The following TEF variants were observed in gnomAD, a reference collection of about 807,000 sequenced individuals.
TEF encodes thyrotroph embryonic factor.
In TEF, 3 loss-of-function variants were observed where a neutral mutation model predicts 20.8. That is an observed-to-expected ratio of 0.14 (90% CI 0.07 to 0.37). The LOEUF is 0.37. TEF is among the 10% of genes least tolerant of loss of function. The pLI is 1.00. For missense variants in TEF, 296 were observed against 397.9 expected, an observed-to-expected ratio of 0.74 and a Z score of 2.18; for synonymous variants, 180 against 171.1, an observed-to-expected ratio of 1.05 and a Z score of -0.41.
upstream of TEF, among the ~76,000 whole-genome samples, chr22:41,380,423 G>A (rs1220982734): frequency 6.6e-6 from 1 of 152,182 alleles, no homozygotes; most frequent in African/African-American, 2.4e-5. Context: ...CCAAAGTGCC[G>A]GGATTACAGG....
chr22:41,387,358 A>T lies in TEF; in HGVS notation c.165A>T (p.Glu55Asp). ...NPPREARLDK[E>D]KGKEKLEEDE... is the part of the protein sequence containing the mutation. ...CAGATTTTGTTTCTGCAGATAAGGAAAAGGGGAAGGAAAAGCTGGAGGAGG... is the reference window on the plus strand; with the variant it reads ...CAGATTTTGTTTCTGCAGATAAGGATAAGGGGAAGGAAAAGCTGGAGGAGG... Residue 55 changes from glutamate to aspartate, a missense_variant, in exon 2 of 4, where the codon GAA (glutamate) becomes GAT (aspartate). By Grantham distance (45) the Glu-to-Asp change is conservative. Coordinates refer to ENST00000266304, the MANE Select transcript of TEF (RefSeq NM_003216.4). 4 of 1,614,180 alleles carry T rather than the reference A, an allele frequency of 2.5e-6. No individual in the cohort carries two copies. The South Asian group carries it at 4.4e-5, about 18-fold the overall frequency.
upstream of TEF, among the ~76,000 whole-genome samples, chr22:41,377,510 C>T (rs1338825727): frequency 6.6e-6 from 1 of 152,156 alleles, no homozygotes; most frequent in Non-Finnish European, 1.5e-5. Context: ...AACTAGTTCT[C>T]CCAACGTTTA....
chr22:41,383,697 A>C (rs998236210), intron 1 of TEF, among the ~76,000 whole-genome samples: 1 of 152,206 alleles, frequency 6.6e-6, no homozygotes, highest in Non-Finnish European at 1.5e-5. Context: ...TATCTCTTAC[A>C]ATTTAAAATT....
chr22:41,367,624 G>T (rs1408019806), intron 1 of TEF: 2 of 1,550,058 alleles, frequency 1.3e-6, no homozygotes, highest in East Asian at 2.4e-5. Context: ...GACCTGCATT[G>T]ATTGGCTGCC....
chr22:41,381,787 G>C (rs2145976196), upstream of TEF: 2 of 952,190 alleles, frequency 2.1e-6, no homozygotes, highest in Non-Finnish European at 2.7e-6. Flanking sequence ...ACCAATCACG[G>C]CCCGAGGATC....
intron 3 of TEF, among the ~76,000 whole-genome samples, chr22:41,394,813 G>A (rs1411880315): frequency 6.6e-6 from 1 of 152,148 alleles, no homozygotes; most frequent in Non-Finnish European, 1.5e-5. Flanking sequence ...TTTGGAGTCA[G>A]GCACACCTGG....
chr22:41,384,853 A>T (rs1354547858), intron 1 of TEF, among the ~76,000 whole-genome samples: 3 of 152,090 alleles, frequency 2.0e-5, no homozygotes, highest in Non-Finnish European at 4.4e-5. Context: ...TCCAAGGTTC[A>T]AGCAATTCTC....
At chr22:41,381,304 C>G (rs2037016747), upstream of TEF, among the ~76,000 whole-genome samples, 1 of 152,144 alleles carries the variant, frequency 6.6e-6, no homozygotes. Context: ...CCCTCCCTTC[C>G]CCTCCCGCCC....
chr22:41,396,297 T>TC lies in TEF; in HGVS notation c.*340dup. ...CTGGGCGCTCAGGGTCCCTGGACTC[T>TC]CCCTCAGTCTCCAGCCTGGGCTGCC... On this transcript the variant is annotated 3_prime_UTR_variant, in exon 4 of 4. Transcript: ENST00000266304. 1 of 248,768 alleles carries TC rather than the reference T, an allele frequency of 4.0e-6. No homozygotes were observed. 15.4% of individuals were successfully genotyped at this position (248,768 alleles called of 1,614,324 possible).
At chr22:41,370,162 T>C (rs1401390152) in intron 1 of TEF, 1 of 911,934 alleles carries the variant, frequency 1.1e-6, no homozygotes, top group Non-Finnish European at 1.3e-6. Context: ...ATCGCCAGGC[T>C]GGAGTGCAGT....
chr22:41,396,076 C>T lies in TEF; in HGVS notation c.*116C>T, dbSNP rs994812375. On this transcript the variant is annotated 3_prime_UTR_variant, in exon 4 of 4. Transcript: ENST00000266304. ...GACTCGTCGTGGGCGCATGGCGGCG[C>T]ACCTGCTGCAGGAGCGGCCACGTCT... 5 of 1,172,446 alleles carry T rather than the reference C, an allele frequency of 4.3e-6. No individual in the cohort carries two copies. Among genetic ancestry groups the T allele is most frequent in the Non-Finnish European group, 6.0e-6 (5 of 838,502 alleles). 72.6% of individuals were successfully genotyped at this position (1,172,446 alleles called of 1,614,324 possible).
upstream of TEF, among the ~76,000 whole-genome samples, chr22:41,380,032 T>C (rs535397540): frequency 1.3e-5 from 2 of 152,302 alleles, no homozygotes; most frequent in East Asian, 1.9e-4. Context: ...AGCTTGAATT[T>C]TGGAATCAGA....
upstream of TEF, among the ~76,000 whole-genome samples, chr22:41,379,076 C>A (rs1410962401): frequency 6.6e-6 from 1 of 152,174 alleles, no homozygotes; most frequent in African/African-American, 2.4e-5. Context: ...CGCGGTGGCT[C>A]ACGCCTGTAA....
At position 41,398,205 on chromosome 22, in the gene TEF, A is replaced by T. The variant is rs918959446; in HGVS notation, c.*2245A>T. 1.3e-5 allele frequency: 2 copies of T among 152,996 alleles called. No homozygotes were observed. Among genetic ancestry groups the T allele is most frequent in the African/African-American group, 4.8e-5 (2 of 41,412 alleles). The allele number at this position is 152,996 out of a possible 1,614,324, so 9.5% of individuals were successfully genotyped here. A position where few individuals can be genotyped will look rare whatever the true frequency, so the allele number is the denominator to read the frequency against. On this transcript the variant is annotated 3_prime_UTR_variant, in exon 4 of 4. Transcript: ENST00000266304. ...TGTGGGGGAAAAGAAGTGCTCAGGT[A>T]AGGTTGTCTCCTCTCCTGTCCTAAA...
chr22:41,369,552 C>T (rs1406896697), intron 1 of TEF, among the ~76,000 whole-genome samples: 2 of 152,260 alleles, frequency 1.3e-5, no homozygotes, highest in Non-Finnish European at 2.9e-5. Context: ...ACAATGACTG[C>T]AGCACATTAC....
chr22:41,382,835 C>T, intron 1 of TEF: 1 of 465,800 alleles, frequency 2.1e-6, no homozygotes. Flanking sequence ...AGTTTTGGGC[C>T]AAGCAGAGAA....
At chr22:41,395,542 CA>C (rs2037216926) in intron 3 of TEF, among the ~76,000 whole-genome samples, 2 of 152,028 alleles carry the variant, frequency 1.3e-5, no homozygotes. Flanking sequence ...TGTAACGTAC[CA>C]AATAACTTTT....
At chr22:41,388,831 G>A (rs951067322) in intron 2 of TEF, among the ~76,000 whole-genome samples, 1 of 151,940 alleles carries the variant, frequency 6.6e-6, no homozygotes, top group Non-Finnish European at 1.5e-5. Flanking sequence ...CACCCAATAA[G>A]TTCTCATACT....
rs1340392425 is a variant in TEF, at chr22:41,369,108, C to T, written c.67+1509C>T. The T allele has an allele frequency of 6.1e-6, 6 of 985,354 alleles. No individual in the cohort carries two copies. In the South Asian group the frequency reaches 2.3e-4, roughly 39 times the overall value. The allele number at this position is 985,354 out of a possible 1,614,324, so 61.0% of individuals were successfully genotyped here. ...TGCCCCCCAGCACACACATGAAGGG[C>T]GAGGCTGCCAGTGGGGCAGGGAGGA... On this transcript the variant is annotated intron_variant, in intron 1 of 3. Transcript: ENST00000406644.
Sources: allele counts gnomAD v4.1 joint callset (sites outside exome capture counted in the v4.1 genomes callset), GRCh38; gene constraint gnomAD v4.1.1; transcripts MANE v1.5; gene names NCBI Gene and HGNC (gene_info 2026-07-23, HGNC 2026-07-21).